MBOAT1: variants seen among roughly 807,000 people sequenced by gnomAD.
MBOAT1 encodes membrane-bound glycerophospholipid O-acyltransferase 1.
Under a neutral mutation model 64.4 loss-of-function variants are expected in MBOAT1, and 67 were observed. The ratio of observed to expected loss-of-function variants is 1.04; its 90% confidence interval spans 0.85 to 1.27. The LOEUF is 1.27. Among genes scored for constraint, MBOAT1 ranks in the 50% most tolerant of loss-of-function variants. The probability of loss-of-function intolerance (pLI) is 0.00; values close to 1 mark genes in which losing one functional copy is unlikely to be tolerated. For missense variants in MBOAT1, 563 were observed against 604.6 expected, an observed-to-expected ratio of 0.93 and a Z score of 0.72; for synonymous variants, 229 against 218.9, an observed-to-expected ratio of 1.05 and a Z score of -0.41.
At chr6:20,139,778 C>T (rs1487764712) in intron 4 of MBOAT1, among the ~76,000 whole-genome samples, 1 of 151,912 alleles carries the variant, frequency 6.6e-6, no homozygotes, top group African/African-American at 2.4e-5. Flanking sequence ...TGGTCTCAAA[C>T]TCCTGGACTC....
At chr6:20,144,481 C>A (rs1377576519) in intron 3 of MBOAT1, among the ~76,000 whole-genome samples, 166 bp from the exon 4 acceptor site, 1 of 152,116 alleles carries the variant, frequency 6.6e-6, no homozygotes. Context: ...CTAGCTGAAC[C>A]CCTCATCTCT....
chr6:20,170,385 C>A (rs2113724683), intron 1 of MBOAT1, among the ~76,000 whole-genome samples: 1 of 152,290 alleles, frequency 6.6e-6, no homozygotes, highest in Middle Eastern at 3.4e-3. Flanking sequence ...TCATCTTCCT[C>A]TTTGACTATT....
At chr6:20,150,875 C>T (rs542494612) in intron 3 of MBOAT1, among the ~76,000 whole-genome samples, 359 of 152,204 alleles carry the variant, frequency 2.4e-3, no homozygotes, top group Non-Finnish European at 3.9e-3. Context: ...AGCCACCACG[C>T]CCAGCCTTTT....
intron 1 of MBOAT1, among the ~76,000 whole-genome samples, chr6:20,156,296 G>A (rs1471569085): frequency 6.6e-6 from 1 of 151,552 alleles, no homozygotes; most frequent in Non-Finnish European, 1.5e-5. Context: ...AAATTAATGT[G>A]TATAAGTTTA....
intron 11 of MBOAT1, among the ~76,000 whole-genome samples, chr6:20,110,213 ACT>A (rs1760097276): frequency 1.1e-5 from 1 of 92,682 alleles, no homozygotes; most frequent in African/African-American, 3.6e-5. Context: ...CCGGCCCAGG[ACT>A]CTTTTTTTTT....
intron 1 of MBOAT1, among the ~76,000 whole-genome samples, chr6:20,154,311 C>T (rs1761613397): frequency 6.6e-6 from 1 of 152,176 alleles, no homozygotes; most frequent in South Asian, 2.1e-4. Flanking sequence ...GCGGGCAGGT[C>T]ACCTGAGGTC....
intron 1 of MBOAT1, among the ~76,000 whole-genome samples, chr6:20,161,954 T>C (rs1761877225): frequency 6.6e-6 from 1 of 152,084 alleles, no homozygotes; most frequent in Non-Finnish European, 1.5e-5. Flanking sequence ...AGATTGAGGG[T>C]GTCGGCAGGG....
chr6:20,156,917 C>G (rs1006107565), intron 1 of MBOAT1, among the ~76,000 whole-genome samples: 1 of 152,096 alleles, frequency 6.6e-6, no homozygotes, highest in Non-Finnish European at 1.5e-5. Context: ...AAAGAAACTA[C>G]CATCGGGGTT....
At chr6:20,150,562 CTTTTT>C (rs537125848) in intron 3 of MBOAT1, among the ~76,000 whole-genome samples, 1 of 134,848 alleles carries the variant, frequency 7.4e-6, no homozygotes. Flanking sequence ...TTTCTTTTTC[CTTTTT>C]TTTTTTTTTT....
intron 2 of MBOAT1, among the ~76,000 whole-genome samples, chr6:20,152,361 A>AT (rs1761534111): frequency 1.4e-5 from 2 of 143,360 alleles, no homozygotes; most frequent in African/African-American, 5.3e-5. Flanking sequence ...AAATAAATAA[A>AT]TAAATTAATT....
rs746588008 is a variant in MBOAT1 at position 20,109,733 on chromosome 6, C to G, written c.1226G>C (p.Arg409Thr). The G allele has an allele frequency of 6.2e-7, 1 of 1,613,728 alleles. No homozygotes were observed. The highest frequency in any genetic ancestry group is 1.7e-5 in the Admixed American group (1 of 59,998). ...LAARAVRNNY[R>T]HYFLSSRALK... The stretch of plus-strand genomic sequence containing the variant: ...AGCTCTTGAAGAAAGGAAGTAATGT[C>G]TGTAGTTGTTCCTGACCTGCAGGCC... Residue 409 changes from arginine (R) to threonine (T), a missense_variant, in exon 12 of 13, where the codon AGA becomes ACA. Arg to Thr is a moderately conservative substitution (Grantham distance 71). Transcript: ENST00000324607.
intron 8 of MBOAT1, among the ~76,000 whole-genome samples, chr6:20,123,900 CAAA>C (rs58608380): frequency 2.6e-5 from 4 of 151,882 alleles, no homozygotes; most frequent in African/African-American, 9.7e-5. Flanking sequence ...ACTAAAAATA[CAAA>C]AAAAATTAGC....
At position 20,190,278 on chromosome 6, in the gene MBOAT1, C is replaced by T. The variant is rs569920929; in HGVS notation, c.99+21858G>A. On this transcript the variant is annotated intron_variant, in intron 1 of 12. Transcript: ENST00000324607. ...AAAGTTCTGGGATTACAGGCATGAG[C>T]CACTGTACCTGGCCGCTCTAAGTTT... Among the ~76,000 whole-genome samples, 36 of 152,308 alleles carry T rather than the reference C, an allele frequency of 2.4e-4. 1 individual carries two copies. The South Asian group carries it at 7.3e-3, about 31-fold the overall frequency.
Position 20,195,829 on chromosome 6 carries a change from C to T in MBOAT1, c.99+16307G>A, listed in dbSNP as rs541988123. Among the ~76,000 whole-genome samples the T allele has an allele frequency of 2.8e-4, 42 of 152,108 alleles. No individual in the cohort carries two copies. The South Asian group carries it at 5.2e-3, about 19-fold the overall frequency. ...AAAGCAAAAATCAGAGAGACAAGCACGCCTGGAGCTGGCATTTTTCCCTGG... is the reference window on the plus strand; with the variant it reads ...AAAGCAAAAATCAGAGAGACAAGCATGCCTGGAGCTGGCATTTTTCCCTGG... On this transcript the variant is annotated intron_variant, in intron 1 of 12. Transcript: ENST00000324607.
intron 1 of MBOAT1, among the ~76,000 whole-genome samples, chr6:20,186,631 G>A (rs1387302945): frequency 6.6e-6 from 1 of 152,212 alleles, no homozygotes; most frequent in Non-Finnish European, 1.5e-5. Flanking sequence ...AGAGTCCTGG[G>A]GGAGGCTTTC....
chr6:20,122,182 A>G (rs1321329113), intron 8 of MBOAT1, among the ~76,000 whole-genome samples: 1 of 152,148 alleles, frequency 6.6e-6, no homozygotes, highest in African/African-American at 2.4e-5. Flanking sequence ...ATATATATAT[A>G]TTTCACATAG....
At chr6:20,166,716 T>C (rs1188760017) in intron 1 of MBOAT1, among the ~76,000 whole-genome samples, 1 of 152,064 alleles carries the variant, frequency 6.6e-6, no homozygotes, top group African/African-American at 2.4e-5. Flanking sequence ...GGCGGGAGGA[T>C]GGTTTGAGCT....
intron 12 of MBOAT1, among the ~76,000 whole-genome samples, chr6:20,104,233 C>A (rs977117968): frequency 2.6e-5 from 4 of 152,116 alleles, no homozygotes; most frequent in Admixed American, 2.6e-4. Context: ...ATGAAATTGC[C>A]TAATGATGCA....
At chr6:20,207,040 TTC>T (rs1284572640) in intron 1 of MBOAT1, among the ~76,000 whole-genome samples, 10 of 152,178 alleles carry the variant, frequency 6.6e-5, no homozygotes, top group African/African-American at 2.4e-4. Flanking sequence ...CTCTGAAAAT[TTC>T]TGTTTCACTT....
Sources: allele counts gnomAD v4.1 joint callset (sites outside exome capture counted in the v4.1 genomes callset), GRCh38; gene constraint gnomAD v4.1.1; transcripts MANE v1.5; gene names NCBI Gene and HGNC (gene_info 2026-07-23, HGNC 2026-07-21).